Variants in NRG3 observed in about 807,000 individuals in gnomAD.
The protein encoded by NRG3 is neuregulin 3.
In NRG3, 31 loss-of-function variants were observed where a neutral mutation model predicts 66.9. The ratio of observed to expected loss-of-function variants is 0.46; its 90% CI spans 0.35 to 0.63. The LOEUF (loss-of-function observed/expected upper bound fraction) is 0.63, where lower values mean the gene tolerates loss of function less well. Ranked by LOEUF, NRG3 falls within the 20% of genes least tolerant of loss-of-function variation. The pLI, the probability that NRG3 is intolerant of heterozygous loss-of-function variation, is 0.00. For missense variants in NRG3, 910 were observed against 878.9 expected (o/e 1.04, Z -0.45); for synonymous variants, 393 against 359.4 (o/e 1.09, Z -1.06).
At chr10:82,707,145 C>A (rs2056357619) in intron 2 of NRG3, among the ~76,000 whole-genome samples, 1 of 151,108 alleles carries the variant, frequency 6.6e-6, no homozygotes, top group Non-Finnish European at 1.5e-5. Context: ...ACTTGAGGGT[C>A]TTTTTATAAA....
At chr10:82,848,406 A>C (rs1437576200) in intron 3 of NRG3, among the ~76,000 whole-genome samples, 2 of 152,162 alleles carry the variant, frequency 1.3e-5, no homozygotes, top group Non-Finnish European at 2.9e-5. Flanking sequence ...CATTTTGGTC[A>C]ATTTCTCCAA....
intron 1 of NRG3, among the ~76,000 whole-genome samples, chr10:82,150,528 C>CAAAAAAAAAAAAAAAAAAAAAAAAA (rs1264827514): frequency 7.5e-4 from 39 of 51,696 alleles, no homozygotes; most frequent in East Asian, 1.2e-3. Context: ...AAAGAGCACA[C>CAAAAAAAAAAAAAAAAAAAAAAAAA]ACAAAAAAAA....
At chr10:82,812,057 G>T (rs904304768) in intron 3 of NRG3, among the ~76,000 whole-genome samples, 1 of 152,216 alleles carries the variant, frequency 6.6e-6, no homozygotes. Flanking sequence ...GCTCAGCTGA[G>T]TTAAATGACT....
chr10:82,037,973 G>C (rs928904058), intron 1 of NRG3, among the ~76,000 whole-genome samples: 2 of 123,186 alleles, frequency 1.6e-5, no homozygotes, highest in East Asian at 2.1e-4. Context: ...GTGTGGGGAG[G>C]GGGGAGAGAG....
intron 1 of NRG3, among the ~76,000 whole-genome samples, chr10:81,882,996 C>T (rs1399189849): frequency 6.6e-6 from 1 of 152,080 alleles, no homozygotes; most frequent in Non-Finnish European, 1.5e-5. Flanking sequence ...GAGTGAGATT[C>T]CTGAATGATC....
intron 1 of NRG3, among the ~76,000 whole-genome samples, chr10:82,351,702 A>T (rs904511772): frequency 1.3e-5 from 2 of 152,154 alleles, no homozygotes; most frequent in Non-Finnish European, 2.9e-5. Flanking sequence ...GTGGAAAATG[A>T]CCCTGCTGTA....
chr10:82,245,978 G>GTTTTTT (rs372596396), intron 1 of NRG3, among the ~76,000 whole-genome samples: 7 of 103,254 alleles, frequency 6.8e-5, no homozygotes, highest in South Asian at 3.4e-4. Flanking sequence ...CAGTCTTCTG[G>GTTTTTT]TTTTTTTTTT....
chr10:82,486,246 T>A (rs1321618463), intron 2 of NRG3, among the ~76,000 whole-genome samples: 1 of 152,188 alleles, frequency 6.6e-6, no homozygotes, highest in Non-Finnish European at 1.5e-5. Flanking sequence ...GAAAACAGTA[T>A]GAATGTTCCT....
At position 82,699,883 on chromosome 10, in the gene NRG3, A is replaced by G. The variant is rs974030181; in HGVS notation, c.954-38694A>G. Among the ~76,000 whole-genome samples, 3 of 151,608 alleles carry G rather than the reference A, an allele frequency of 2.0e-5. 1 individual carries two copies. The highest frequency in any genetic ancestry group is 3.9e-4 in the East Asian group (2 of 5,172). On this transcript the variant is annotated intron_variant, in intron 2 of 8. Transcript: ENST00000372141. ...TGTGTGTGTGTGTGTGTGTGTGTGCATTCAAAGCACACAGCATGATTTCTA... is the reference window on the plus strand; with the variant it reads ...TGTGTGTGTGTGTGTGTGTGTGTGCGTTCAAAGCACACAGCATGATTTCTA...
intron 4 of NRG3, among the ~76,000 whole-genome samples, chr10:82,934,320 A>G (rs574900617): frequency 2.0e-5 from 3 of 149,994 alleles, no homozygotes; most frequent in South Asian, 2.1e-4. Context: ...GAGGTTGTCT[A>G]CATAGACACA....
At chr10:82,813,150 C>G (rs556761754) in intron 3 of NRG3, among the ~76,000 whole-genome samples, 2 of 148,814 alleles carry the variant, frequency 1.3e-5, no homozygotes, top group South Asian at 4.3e-4. Context: ...ATGAGTTAAT[C>G]AAGTTAAAGT....
intron 2 of NRG3, among the ~76,000 whole-genome samples, chr10:82,446,556 G>A (rs1046646094): frequency 2.0e-5 from 3 of 152,162 alleles, no homozygotes; most frequent in African/African-American, 7.2e-5. Flanking sequence ...AACACCACAT[G>A]TTCTCACTTA....
intron 1 of NRG3, among the ~76,000 whole-genome samples, chr10:82,228,749 C>T (rs2076293986): frequency 6.6e-6 from 1 of 152,142 alleles, no homozygotes; most frequent in African/African-American, 2.4e-5. Context: ...TGGCCAAATA[C>T]TGGAAGAAAG....
intron 2 of NRG3, among the ~76,000 whole-genome samples, chr10:82,448,396 T>C (rs1176674336): frequency 6.6e-6 from 1 of 152,194 alleles, no homozygotes; most frequent in Non-Finnish European, 1.5e-5. Context: ...TTTAAACAAT[T>C]TTACTTATGA....
chr10:82,156,925 A>G (rs756726931), intron 1 of NRG3, among the ~76,000 whole-genome samples: 4 of 151,730 alleles, frequency 2.6e-5, no homozygotes, highest in Non-Finnish European at 5.9e-5. Flanking sequence ...TGGGGTTCCC[A>G]TGGCAACAAT....
chr10:82,393,353 A>G (rs896060397), intron 2 of NRG3, among the ~76,000 whole-genome samples: 3 of 152,094 alleles, frequency 2.0e-5, no homozygotes, highest in Non-Finnish European at 4.4e-5. Flanking sequence ...TGCATCCGTA[A>G]TTTGCATGGG....
intron 3 of NRG3, among the ~76,000 whole-genome samples, chr10:82,852,822 A>G (rs888740852): frequency 1.1e-4 from 16 of 152,198 alleles, no homozygotes; most frequent in African/African-American, 3.4e-4. Context: ...GAAAATACAT[A>G]TAGAAAGTTA....
chr10:81,942,006 T>G lies in NRG3; in HGVS notation c.823+65843T>G, dbSNP rs538958608. 3.9e-5 allele frequency among the ~76,000 whole-genome samples: 6 copies of G among 152,262 alleles called. No individual in the cohort carries two copies. In the South Asian group the frequency reaches 1.2e-3, roughly 32 times the overall value. Reference sequence around the variant, plus strand: ...ATTTTAGAAGTCATTTTATCAAACTTTAGATCTTCTCATCCTTTTCCTTCC... The same window carrying G: ...ATTTTAGAAGTCATTTTATCAAACTGTAGATCTTCTCATCCTTTTCCTTCC... On this transcript the variant is annotated intron_variant, in intron 1 of 8. Coordinates refer to ENST00000372141, the MANE Select transcript of NRG3 (RefSeq NM_001010848.4).
chr10:82,872,113 C>G lies in NRG3; in HGVS notation c.1054+6676C>G, dbSNP rs1841395643. ...ATTTCTAGTTAACTGAGAGTTTTTA[C>G]CATAAATGGGTGTTGGATTTTGTCA... On this transcript the variant is annotated intron_variant, in intron 4 of 8. Transcript: ENST00000372141. 1.3e-5 allele frequency among the ~76,000 whole-genome samples: 2 copies of G among 152,010 alleles called. 1 individual carries two copies. The highest frequency in any genetic ancestry group is 4.1e-4 in the South Asian group (2 of 4,826).
Sources: gnomAD v4.1 joint callset for allele counts (sites outside exome capture counted in the v4.1 genomes callset) on GRCh38, gnomAD v4.1.1 for gene constraint, MANE v1.5 for transcripts, NCBI Gene and HGNC (gene_info 2026-07-23, HGNC 2026-07-21) for gene names.